BSND: variants seen among roughly 807,000 people sequenced by gnomAD.
The protein encoded by BSND is barttin CLCNK type accessory subunit beta, also known as barttin.
BSND carries 13 observed loss-of-function variants against 18.8 expected under a neutral mutation model. The observed-to-expected ratio is 0.69, with a 90% CI of 0.45 to 1.10. The LOEUF (loss-of-function observed/expected upper bound fraction) is 1.10. BSND is among the 50% of genes least tolerant of loss of function. BSND has a pLI of 0.00. For missense variants in BSND, 379 were observed against 416.7 expected, an observed-to-expected ratio of 0.91 and a Z score of 0.79; for synonymous variants, 170 against 161.8, an observed-to-expected ratio of 1.05 and a Z score of -0.39.
intron 3 of BSND, 61 bp downstream of exon 3, chr1:55,007,333 A>C (rs1276029799): frequency 3.3e-5 from 16 of 477,706 alleles, no homozygotes; most frequent in South Asian, 3.3e-4. Context: ...AAAGGAGAGG[A>C]GTGGGGGACC....
At chr1:55,004,599 C>T (rs1362262535) in intron 1 of BSND, among the ~76,000 whole-genome samples, 1 of 152,188 alleles carries the variant, frequency 6.6e-6, no homozygotes. Context: ...GCCCATGTGG[C>T]AAAAACACAT....
chr1:55,008,464 T>G lies in BSND; in HGVS notation c.799T>G (p.Trp267Gly), dbSNP rs2100209763. The G allele has an allele frequency of 6.2e-7, 1 of 1,614,154 alleles. No individual in the cohort carries two copies. The highest frequency in any genetic ancestry group is 1.3e-5 in the African/African-American group (1 of 75,040). ...QQWEIALPNN[W>G]QRYPRTKVEE... is the part of the protein sequence containing the mutation. ...GTGGGAAATAGCCCTGCCCAACAAC[T>G]GGCAGCGGTACCCAAGGACAAAGGT... is the stretch of plus-strand genomic sequence containing the variant. Residue 267 changes from tryptophan (W) to glycine (G), a missense_variant, in exon 4 of 4, where the codon TGG becomes GGG. By Grantham distance (184) the Trp-to-Gly change is radical. Coordinates refer to ENST00000651561, the MANE Select transcript of BSND (RefSeq NM_057176.3).
intron 1 of BSND, among the ~76,000 whole-genome samples, chr1:55,001,494 G>T (rs938337592): frequency 2.6e-5 from 4 of 152,198 alleles, no homozygotes; most frequent in East Asian, 3.9e-4. Context: ...TGGTCTCATT[G>T]GTGCCTGGGC....
At chr1:55,001,684 T>A (rs1487459372) in intron 1 of BSND, among the ~76,000 whole-genome samples, 1 of 152,060 alleles carries the variant, frequency 6.6e-6, no homozygotes, top group African/African-American at 2.4e-5. Flanking sequence ...GCTGTCCATG[T>A]CTTTTAGGGG....
In BSND at chr1:55,012,139, G is replaced by T. The variant is rs1644425232; in HGVS notation, c.*3511G>T. On this transcript the variant is annotated 3_prime_UTR_variant, in exon 4 of 4. Transcript: ENST00000651561. ...GCAAGGGAAGGCAGGGGGCCCAGGG[G>T]CAGGGAACCTGGGCTCTGCCGACCG... Among the ~76,000 whole-genome samples, 1 of 152,186 alleles carries T rather than the reference G, an allele frequency of 6.6e-6. No homozygotes were observed. Among genetic ancestry groups the T allele is most frequent in the South Asian group, 2.1e-4 (1 of 4,830 alleles).
In BSND at chr1:55,007,117, G is replaced by T. The variant is rs201387711; in HGVS notation, c.393G>T (p.Leu131Phe). Residue 131 changes from leucine (L) to phenylalanine (F), a missense_variant, in exon 3 of 4, where the codon TTG (leucine) becomes TTT (phenylalanine). Coordinates refer to ENST00000651561, the MANE Select transcript of BSND (RefSeq NM_057176.3). ...GCTACAGTGAGGACCACCGCTCCTTGCTGGCCCCTGAGATGGGGCAGCCGA... is the reference window on the plus strand; with the variant it reads ...GCTACAGTGAGGACCACCGCTCCTTTCTGGCCCCTGAGATGGGGCAGCCGA... ...VMSYSEDHRS[L>F]LAPEMGQPKL... 446 of 1,614,202 alleles carry T rather than the reference G, an allele frequency of 2.8e-4. 1 individual carries two copies. The highest frequency in any genetic ancestry group is 1.8e-3 in the Middle Eastern group (11 of 6,062).
At position 55,008,518 on chromosome 1, in the gene BSND, G is replaced by A; in HGVS notation, c.853G>A (p.Gly285Arg). ...GGAGAAGGAGGCTTCGGACACAGGT[G>A]GGGAGGAACCTGAGAAGGAAGAGGA... is the stretch of plus-strand genomic sequence containing the variant. ...VEEKEASDTG[G>R]EEPEKEEEDL... Residue 285 changes from glycine to arginine, a missense_variant, in exon 4 of 4, where the codon GGG (glycine) becomes AGG (arginine). By Grantham distance (125) the Gly-to-Arg change is moderately radical. Transcript: ENST00000651561. 4 of 1,614,234 alleles carry A rather than the reference G, an allele frequency of 2.5e-6. No individual in the cohort carries two copies. The highest frequency in any genetic ancestry group is 2.5e-6 in the Non-Finnish European group (3 of 1,180,046).
At chr1:55,007,944 T>C (rs1027610905) in intron 3 of BSND, among the ~76,000 whole-genome samples, 1 of 152,170 alleles carries the variant, frequency 6.6e-6, no homozygotes, top group African/African-American at 2.4e-5. Context: ...ATTGGAGAAG[T>C]AGATGAGTGA....
rs924662529 is a variant in BSND at position 55,014,695 on chromosome 1, T to G, written c.*6067T>G. On this transcript the variant is annotated 3_prime_UTR_variant, in exon 4 of 4. Coordinates refer to ENST00000651561, the MANE Select transcript of BSND (RefSeq NM_057176.3). ...TGGCATCAGACTCTCCTGGGAAACT[T>G]TAAAAATCTAGTGTCCTAGAACCAT... Among the ~76,000 whole-genome samples the G allele has an allele frequency of 2.0e-5, 3 of 152,208 alleles. No homozygotes were observed. Among genetic ancestry groups the G allele is most frequent in the African/African-American group, 7.2e-5 (3 of 41,456 alleles).
At chr1:55,005,439 G>T (rs1644384525) in intron 2 of BSND, among the ~76,000 whole-genome samples, 2 of 152,226 alleles carry the variant, frequency 1.3e-5, no homozygotes, top group African/African-American at 4.8e-5. Context: ...AGTCACAGGA[G>T]TAAGTGCTTC....
In BSND at chr1:55,013,829, G is replaced by T. The variant is rs1243706920; in HGVS notation, c.*5201G>T. 1.3e-5 allele frequency among the ~76,000 whole-genome samples: 2 copies of T among 152,122 alleles called. No homozygotes were observed. The highest frequency in any genetic ancestry group is 2.9e-5 in the Non-Finnish European group (2 of 68,018). On this transcript the variant is annotated 3_prime_UTR_variant, in exon 4 of 4. Transcript: ENST00000651561. ...CATCCAGCTGAATCATCTGCCATGT[G>T]CTCCCGTGCAGCAGCCCCGGCATCC...
chr1:55,004,311 T>G (rs1644378884), intron 1 of BSND, among the ~76,000 whole-genome samples: 1 of 152,250 alleles, frequency 6.6e-6, no homozygotes, highest in African/African-American at 2.4e-5. Flanking sequence ...CAAGTATCTC[T>G]TCGAGGGTAG....
chr1:55,003,173 C>T (rs1452450606), intron 1 of BSND, among the ~76,000 whole-genome samples: 1 of 151,016 alleles, frequency 6.6e-6, no homozygotes, highest in Admixed American at 6.6e-5. Flanking sequence ...TACAAAGCAT[C>T]CTTAACGGGG....
At position 55,004,944 on chromosome 1, in the gene BSND, GT is replaced by G. The variant is rs1467854034; in HGVS notation, c.178-75del. On this transcript the variant is annotated intron_variant, in intron 1 of 3. Coordinates refer to ENST00000651561, the MANE Select transcript of BSND (RefSeq NM_057176.3). ...CCTGTCTCCCAGAGCTCATGGAGAG[GT>G]TTGCCAATTCCCTGAGGGGACAGTA... is the stretch of plus-strand genomic sequence containing the variant. 3 of 1,376,470 alleles carry G rather than the reference GT, an allele frequency of 2.2e-6. No homozygotes were observed. In the African/African-American group the frequency reaches 4.3e-5, roughly 20 times the overall value. 85.3% of individuals were successfully genotyped at this position (1,376,470 alleles called of 1,614,324 possible).
chr1:55,013,984 A>C lies in BSND; in HGVS notation c.*5356A>C, dbSNP rs1644436006. Reference sequence around the variant, plus strand: ...TGAATTAGCCCTGCTCTCCCCTTCCACGGTGGAATCCATCTCCACTGCACC... The same window carrying C: ...TGAATTAGCCCTGCTCTCCCCTTCCCCGGTGGAATCCATCTCCACTGCACC... On this transcript the variant is annotated 3_prime_UTR_variant, in exon 4 of 4. Transcript: ENST00000651561. Among the ~76,000 whole-genome samples, 1 of 151,686 alleles carries C rather than the reference A, an allele frequency of 6.6e-6. No individual in the cohort carries two copies. Among genetic ancestry groups the C allele is most frequent in the Non-Finnish European group, 1.5e-5 (1 of 67,886 alleles).
At position 55,007,047 on chromosome 1, in the gene BSND, A is replaced by T; in HGVS notation, c.323A>T (p.Asp108Val). ...YVRLWEEAAY[D>V]QSLPDFSHIQ... ...AGGCTGTGGGAGGAAGCCGCCTATG[A>T]CCAGAGCCTGCCTGACTTCAGCCAC... The change falls in exon 3 of 4, where the codon GAC becomes GTC. Residue 108 changes from aspartate to valine, a missense_variant. Coordinates refer to ENST00000651561, the MANE Select transcript of BSND (RefSeq NM_057176.3). 1.2e-6 allele frequency: 2 copies of T among 1,614,098 alleles called. No homozygotes were observed. The highest frequency in any genetic ancestry group is 1.7e-5 in the Admixed American group (1 of 60,010).
intron 2 of BSND, 54 bp from the exon 3 acceptor site, chr1:55,006,943 C>T: frequency 6.2e-7 from 1 of 1,611,826 alleles, no homozygotes; most frequent in Non-Finnish European, 8.5e-7. Context: ...GGGGAGAACA[C>T]TGGTGTTTGC....
intron 2 of BSND, 105 bp downstream of exon 2, chr1:55,005,221 C>G: frequency 1.0e-6 from 1 of 957,194 alleles, no homozygotes; most frequent in Non-Finnish European, 1.6e-6. Flanking sequence ...TGCCTTCTCA[C>G]TTACTGAGAA....
intron 1 of BSND, among the ~76,000 whole-genome samples, chr1:54,999,619 G>A (rs1644351491): frequency 6.6e-6 from 1 of 152,164 alleles, no homozygotes. Flanking sequence ...CGGAAGCTAT[G>A]GTATAGACAC....
Sources: allele counts gnomAD v4.1 joint callset (sites outside exome capture counted in the v4.1 genomes callset), GRCh38; gene constraint gnomAD v4.1.1; transcripts MANE v1.5; gene names NCBI Gene and HGNC (gene_info 2026-07-23, HGNC 2026-07-21).